HIVEP3: variants seen among roughly 807,000 people sequenced by gnomAD.
HIVEP3 encodes HIVEP zinc finger 3.
Under a neutral mutation model 152.8 loss-of-function variants are expected in HIVEP3, and 49 were observed. The ratio of observed to expected loss-of-function variants is 0.32; its 90% CI spans 0.26 to 0.41. The LOEUF is 0.41. Among genes scored for constraint, HIVEP3 ranks in the 10% least tolerant of loss-of-function variants. The probability of loss-of-function intolerance (pLI) is 1.00; values close to 1 mark genes in which losing one functional copy is unlikely to be tolerated. For missense variants in HIVEP3, 2,790 were observed against 3,103.3 expected, an observed-to-expected ratio of 0.90 and a Z score of 2.40; for synonymous variants, 1,269 against 1,289.0, an observed-to-expected ratio of 0.98 and a Z score of 0.33.
intron 1 of HIVEP3, among the ~76,000 whole-genome samples, chr1:41,866,894 T>C (rs1643986672): frequency 6.6e-6 from 1 of 152,250 alleles, no homozygotes; most frequent in Non-Finnish European, 1.5e-5. Context: ...ATGTCCTGAC[T>C]TAAACCTTGA....
chr1:41,794,347 C>T (rs945292340), intron 1 of HIVEP3, among the ~76,000 whole-genome samples: 6 of 152,088 alleles, frequency 3.9e-5, no homozygotes, highest in African/African-American at 1.4e-4. Context: ...ACCCTTGACA[C>T]GTGGGAATTA....
In HIVEP3 at chr1:41,910,483, A is replaced by C. The variant is rs1266955308; in HGVS notation, c.-801+7930T>G. On this transcript the variant is annotated intron_variant, in intron 1 of 8. Transcript: ENST00000372583. The stretch of plus-strand genomic sequence containing the variant: ...CTTTTTTTGAGAACAGATAAAGAGG[A>C]AATATTCTATAACTTACTTTACAAA... Among the ~76,000 whole-genome samples, 3 of 152,000 alleles carry C rather than the reference A, an allele frequency of 2.0e-5. No individual in the cohort carries two copies. In the East Asian group the frequency reaches 5.8e-4, roughly 29 times the overall value.
At chr1:41,596,030 A>AG (rs1280507666) in intron 3 of HIVEP3, among the ~76,000 whole-genome samples, 1 of 152,176 alleles carries the variant, frequency 6.6e-6, no homozygotes, top group African/African-American at 2.4e-5. Flanking sequence ...CGCAAAGCAC[A>AG]GGGGGCTGGA....
In HIVEP3 at chr1:41,913,747, A is replaced by G. The variant is rs1422923723; in HGVS notation, c.-801+4666T>C. Among the ~76,000 whole-genome samples the G allele has an allele frequency of 2.6e-5, 4 of 152,324 alleles. No individual in the cohort carries two copies. In the East Asian group the frequency reaches 7.7e-4, roughly 29 times the overall value. ...ATCTAATGCTAAGCCTGGAAGTCCAATGAAAGACTCAATAGACTAAAATTG... is the reference window on the plus strand; with the variant it reads ...ATCTAATGCTAAGCCTGGAAGTCCAGTGAAAGACTCAATAGACTAAAATTG... On this transcript the variant is annotated intron_variant, in intron 1 of 8. Transcript: ENST00000372583.
intron 1 of HIVEP3, among the ~76,000 whole-genome samples, chr1:41,760,074 G>A (rs1318262761): frequency 6.6e-6 from 1 of 152,198 alleles, no homozygotes. Context: ...TGGGGAGGCT[G>A]AGGCAGTAGG....
chr1:41,949,282 C>T lies in HIVEP3; in HGVS notation n.120-30758G>A, dbSNP rs575119295. Among the ~76,000 whole-genome samples, 6 of 152,326 alleles carry T rather than the reference C, an allele frequency of 3.9e-5. No individual in the cohort carries two copies. In the East Asian group the frequency reaches 7.7e-4, roughly 20 times the overall value. On this transcript the variant is annotated intron_variant and non_coding_transcript_variant, in intron 1 of 3. Coordinates refer to the HIVEP3 transcript ENST00000489103. Reference sequence around the variant, plus strand: ...GAGTACCCATTCTTCCTTTTGTTATCGGAGCAGGAGTGCTAGGCGGACTAG... The same window carrying T: ...GAGTACCCATTCTTCCTTTTGTTATTGGAGCAGGAGTGCTAGGCGGACTAG...
intron 1 of HIVEP3, among the ~76,000 whole-genome samples, chr1:41,758,026 T>C (rs924400276): frequency 6.6e-6 from 1 of 152,220 alleles, no homozygotes; most frequent in African/African-American, 2.4e-5. Flanking sequence ...TTCTACTTTT[T>C]AATAACAATT....
chr1:41,644,702 T>C (rs191656933), intron 2 of HIVEP3, among the ~76,000 whole-genome samples: 3,351 of 144,844 alleles, frequency 0.023, 162 homozygotes, highest in African/African-American at 0.083. Context: ...TCTTTTTTTT[T>C]TTTTTTTTTT....
In HIVEP3 at chr1:41,811,414, C is replaced by T. The variant is rs535715956; in HGVS notation, c.-801+106999G>A. On this transcript the variant is annotated intron_variant, in intron 1 of 8. Coordinates refer to ENST00000372583, the MANE Select transcript of HIVEP3 (RefSeq NM_024503.5). Reference sequence around the variant, plus strand: ...TGGTGTTAACCTTGGGTTTTACTGGCTACCTCACCCCATAGAAACACAACA... The same window carrying T: ...TGGTGTTAACCTTGGGTTTTACTGGTTACCTCACCCCATAGAAACACAACA... Among the ~76,000 whole-genome samples, 6 of 151,892 alleles carry T rather than the reference C, an allele frequency of 4.0e-5. No individual in the cohort carries two copies. In the South Asian group the frequency reaches 1.0e-3, roughly 26 times the overall value.
intron 1 of HIVEP3, among the ~76,000 whole-genome samples, chr1:41,815,342 C>G (rs1454352893): frequency 6.6e-6 from 1 of 152,150 alleles, no homozygotes; most frequent in South Asian, 2.1e-4. Context: ...CATGGTGGTG[C>G]ATGCCTGCAG....
At chr1:41,910,551 A>C (rs1260818139) in intron 1 of HIVEP3, among the ~76,000 whole-genome samples, 2 of 152,004 alleles carry the variant, frequency 1.3e-5, no homozygotes, top group Non-Finnish European at 2.9e-5. Context: ...GGATAAGATA[A>C]GAAGTGCAAA....
intron 2 of HIVEP3, among the ~76,000 whole-genome samples, chr1:41,654,252 G>A (rs1031199578): frequency 6.6e-6 from 1 of 152,174 alleles, no homozygotes. Context: ...GGCAGTCCCT[G>A]GGGAAGGAAT....
At chr1:41,928,917 A>G (rs536842944) in intron 1 of HIVEP3, among the ~76,000 whole-genome samples, 1 of 152,282 alleles carries the variant, frequency 6.6e-6, no homozygotes, top group South Asian at 2.1e-4. Context: ...AGGCTGAGGC[A>G]GGAGGATTGC....
intron 1 of HIVEP3, among the ~76,000 whole-genome samples, chr1:41,926,162 T>C (rs72949457): frequency 1.2e-4 from 18 of 152,310 alleles, no homozygotes; most frequent in African/African-American, 4.3e-4. Flanking sequence ...TTGAAGTCAT[T>C]GTTCTATTAG....
At position 41,575,769 on chromosome 1, in the gene HIVEP3, C is replaced by A. The variant is rs904760554; in HGVS notation, c.5062-80G>T. The A allele has an allele frequency of 2.1e-5, 31 of 1,469,164 alleles. No homozygotes were observed. In the Admixed American group the frequency reaches 4.4e-4, roughly 21 times the overall value. The allele number at this position is 1,469,164 out of a possible 1,614,324, so 91.0% of individuals were successfully genotyped here. On this transcript the variant is annotated intron_variant, in intron 4 of 8. Transcript: ENST00000372583. ...CACGAATGCAATGCTAATAATCATGCCTTACACAGTACTGCACAAGTACAC... is the reference window on the plus strand; with the variant it reads ...CACGAATGCAATGCTAATAATCATGACTTACACAGTACTGCACAAGTACAC...
chr1:41,608,759 T>G (rs1387841870), intron 3 of HIVEP3, among the ~76,000 whole-genome samples: 1 of 152,176 alleles, frequency 6.6e-6, no homozygotes, highest in Non-Finnish European at 1.5e-5. Flanking sequence ...TCTAATGCTG[T>G]TATGATGTCA....
chr1:41,719,562 C>T (rs2124165384), intron 1 of HIVEP3, among the ~76,000 whole-genome samples: 1 of 152,338 alleles, frequency 6.6e-6, no homozygotes, highest in Non-Finnish European at 1.5e-5. Flanking sequence ...GCAGATGTTC[C>T]TGAACTAGTA....
intron 5 of HIVEP3, among the ~76,000 whole-genome samples, chr1:41,526,507 G>A (rs1318982919): frequency 4.4e-5 from 2 of 45,790 alleles, no homozygotes; most frequent in Non-Finnish European, 8.3e-5. Flanking sequence ...CCACACCCCT[G>A]CCGTCACACT....
At chr1:41,741,746 G>T (rs1646999680) in intron 1 of HIVEP3, among the ~76,000 whole-genome samples, 1 of 152,190 alleles carries the variant, frequency 6.6e-6, no homozygotes, top group Non-Finnish European at 1.5e-5. Context: ...TTCATTTCTG[G>T]CTCAACCACT....
Sources: gnomAD v4.1 joint callset for allele counts (sites outside exome capture counted in the v4.1 genomes callset) on GRCh38, gnomAD v4.1.1 for gene constraint, MANE v1.5 for transcripts, NCBI Gene and HGNC (gene_info 2026-07-23, HGNC 2026-07-21) for gene names.